The following KDSR variants were observed in gnomAD, a reference collection of about 807,000 sequenced individuals.
KDSR encodes the protein 3-ketodihydrosphingosine reductase, also known as 3-dehydrosphinganine reductase.
Under a neutral mutation model 41.3 loss-of-function variants are expected in KDSR, and 23 were observed. That is an observed-to-expected ratio of 0.56 (90% CI 0.40 to 0.79). The LOEUF is 0.79. Among genes scored for constraint, KDSR ranks in the 30% least tolerant of loss-of-function variants. The probability of loss-of-function intolerance (pLI) is 0.00; values close to 1 mark genes in which losing one functional copy is unlikely to be tolerated. For synonymous variants in KDSR, 138 were observed against 151.7 expected, an observed-to-expected ratio of 0.91 and a Z score of 0.66; for missense variants, 351 against 416.8, an observed-to-expected ratio of 0.84 and a Z score of 1.37.
chr18:63,361,017 A>ATATATATATATAAAATATCTATAT (rs761703297), intron 2 of KDSR, among the ~76,000 whole-genome samples: 1 of 106,856 alleles, frequency 9.4e-6, no homozygotes, highest in Non-Finnish European at 1.7e-5. Flanking sequence ...TATATATATA[A>ATATATATATATAAAATATCTATAT]AATATATAAT....
At chr18:63,357,361 T>TA (rs1914824806) in intron 3 of KDSR, among the ~76,000 whole-genome samples, 3 of 151,284 alleles carry the variant, frequency 2.0e-5, no homozygotes, top group African/African-American at 7.3e-5. Context: ...TTTCTAATAG[T>TA]AAAAAACAAA....
rs558919259 is a variant in KDSR at position 63,329,765 on chromosome 18, G to A, written c.*2017C>T. On this transcript the variant is annotated 3_prime_UTR_variant, in exon 10 of 10. Transcript: ENST00000645214. The stretch of plus-strand genomic sequence containing the variant: ...TTAAATCAGACACTTTCTTGGACTA[G>A]ATTCTAATATAGATCAGCAGTAGAA... The A allele has an allele frequency of 5.1e-6, 1 of 194,464 alleles. No individual in the cohort carries two copies. The highest frequency in any genetic ancestry group is 6.1e-5 in the Admixed American group (1 of 16,464). The allele number at this position is 194,464 out of a possible 1,614,324, so 12.0% of individuals were successfully genotyped here.
chr18:63,338,029 T>C (rs568131152), intron 8 of KDSR, among the ~76,000 whole-genome samples: 1 of 152,370 alleles, frequency 6.6e-6, no homozygotes, highest in East Asian at 1.9e-4. Flanking sequence ...ACTTGTGCCA[T>C]CTTCCTGAGC....
intron 6 of KDSR, among the ~76,000 whole-genome samples, chr18:63,348,285 G>T (rs577775805): frequency 6.7e-6 from 1 of 149,824 alleles, no homozygotes; most frequent in African/African-American, 2.5e-5. Flanking sequence ...CTCCAGCCTC[G>T]GCAACAAAGC....
chr18:63,337,070 CTT>C (rs1159163426), intron 8 of KDSR, among the ~76,000 whole-genome samples: 24 of 85,934 alleles, frequency 2.8e-4, no homozygotes, highest in African/African-American at 8.6e-4. Context: ...ATATATGTGA[CTT>C]TATATATATA....
At chr18:63,362,033 C>T (rs991342551) in intron 2 of KDSR, among the ~76,000 whole-genome samples, 1 of 152,116 alleles carries the variant, frequency 6.6e-6, no homozygotes, top group Non-Finnish European at 1.5e-5. Flanking sequence ...CCAGGCACTC[C>T]ATCATTCCTC....
intron 7 of KDSR, among the ~76,000 whole-genome samples, chr18:63,343,171 G>A (rs529396735): frequency 2.6e-5 from 4 of 152,090 alleles, no homozygotes; most frequent in Admixed American, 2.0e-4. Flanking sequence ...TGCAAGAACG[G>A]ACTAATACAC....
At chr18:63,346,924 A>T (rs1327719597) in intron 6 of KDSR, among the ~76,000 whole-genome samples, 1 of 152,142 alleles carries the variant, frequency 6.6e-6, no homozygotes, top group Admixed American at 6.5e-5. Context: ...TCTTCTTTTA[A>T]TCTACCAATC....
Position 63,352,277 on chromosome 18 carries a change from A to G in KDSR, c.418-1198T>C, listed in dbSNP as rs1914679467. The stretch of plus-strand genomic sequence containing the variant: ...CAGAACATGAACATACAATCATAAT[A>G]TCTTAATTCAAGAGAATATTAGATT... On this transcript the variant is annotated intron_variant, in intron 5 of 9. Coordinates refer to ENST00000645214, the MANE Select transcript of KDSR (RefSeq NM_002035.4). Among the ~76,000 whole-genome samples, 4 of 152,290 alleles carry G rather than the reference A, an allele frequency of 2.6e-5. No homozygotes were observed. In the South Asian group the frequency reaches 8.3e-4, roughly 32 times the overall value.
chr18:63,338,772 T>C (rs1284492326), intron 8 of KDSR, 28 bp downstream of exon 8: 7 of 1,405,174 alleles, frequency 5.0e-6, no homozygotes, highest in Non-Finnish European at 7.0e-6. Flanking sequence ...CAAACACAAA[T>C]AGTACAGAAA....
intron 7 of KDSR, among the ~76,000 whole-genome samples, chr18:63,342,781 C>T (rs1435586062): frequency 6.6e-6 from 1 of 152,084 alleles, no homozygotes; most frequent in Non-Finnish European, 1.5e-5. Flanking sequence ...ACTGCAGCCT[C>T]GACGTCCTAG....
At chr18:63,362,128 G>C (rs1258558801) in intron 2 of KDSR, among the ~76,000 whole-genome samples, 3 of 152,346 alleles carry the variant, frequency 2.0e-5, no homozygotes, top group Middle Eastern at 6.8e-3. Context: ...AGCCAGCTGT[G>C]TGGTCACTTT....
intron 2 of KDSR, 81 bp downstream of exon 2, chr18:63,362,698 T>C: frequency 1.1e-6 from 1 of 909,144 alleles, no homozygotes; most frequent in East Asian, 2.4e-5. Flanking sequence ...TAGGTGTGAA[T>C]GCTAAGATGT....
intron 5 of KDSR, among the ~76,000 whole-genome samples, chr18:63,351,457 A>G (rs905752759): frequency 6.6e-6 from 1 of 152,230 alleles, no homozygotes; most frequent in Non-Finnish European, 1.5e-5. Context: ...TTGTAGCCCT[A>G]TTAGTTCTAA....
At chr18:63,363,220 T>C (rs866358995) in intron 1 of KDSR, among the ~76,000 whole-genome samples, 2,346 of 126,136 alleles carry the variant, frequency 0.019, 40 homozygotes, top group African/African-American at 0.069. Context: ...TTTTTTTTTC[T>C]TTTTTTTTTT....
chr18:63,355,866 T>C (rs570364566), intron 3 of KDSR, among the ~76,000 whole-genome samples: 20 of 152,172 alleles, frequency 1.3e-4, no homozygotes, highest in African/African-American at 4.6e-4. Flanking sequence ...GAAGGAACTG[T>C]GAAAGGGCAC....
rs747412649 is a variant in KDSR, at chr18:63,344,403, T to C, written c.693+7A>G. 1 of 1,603,812 alleles carries C rather than the reference T, an allele frequency of 6.2e-7. No individual in the cohort carries two copies. Among genetic ancestry groups the C allele is most frequent in the Non-Finnish European group, 8.5e-7 (1 of 1,170,584 alleles). On this transcript the variant is annotated splice_region_variant and intron_variant, in intron 7 of 9. Transcript: ENST00000645214. ...GAGGTTCAAATTGGGACATGTAGGATACTGACCTTTGTTCTGTTTTCTTCG... is the reference window on the plus strand; with the variant it reads ...GAGGTTCAAATTGGGACATGTAGGACACTGACCTTTGTTCTGTTTTCTTCG...
chr18:63,338,676 G>A lies in KDSR; in HGVS notation c.777+124C>T. ...AAAAGTTGAGTCCAATATTAGATATGACAAATCTGACAGACTAAAAAATTC... is the reference window on the plus strand; with the variant it reads ...AAAAGTTGAGTCCAATATTAGATATAACAAATCTGACAGACTAAAAAATTC... On this transcript the variant is annotated intron_variant, in intron 8 of 9. Transcript: ENST00000645214. 8.7e-6 allele frequency: 6 copies of A among 689,422 alleles called. No individual in the cohort carries two copies. The South Asian group carries it at 9.0e-5, about 10-fold the overall frequency. 42.7% of individuals were successfully genotyped at this position (689,422 alleles called of 1,614,324 possible).
intron 1 of KDSR, 117 bp from the exon 2 acceptor site, chr18:63,362,985 C>G (rs1555659234): frequency 1.5e-6 from 1 of 648,536 alleles, no homozygotes; most frequent in Non-Finnish European, 2.7e-6. Flanking sequence ...AAATGATTAG[C>G]TGTTGTTAAC....
Sources: gnomAD v4.1 joint callset for allele counts (sites outside exome capture counted in the v4.1 genomes callset) on GRCh38, gnomAD v4.1.1 for gene constraint, MANE v1.5 for transcripts, NCBI Gene and HGNC (gene_info 2026-07-23, HGNC 2026-07-21) for gene names.